Variants in POU6F2 observed in about 807,000 individuals in gnomAD.
The protein encoded by POU6F2 is POU class 6 homeobox 2, also known as POU domain, class 6, transcription factor 2.
In POU6F2, 31 loss-of-function variants were observed where a neutral mutation model predicts 71.3. That is an observed-to-expected ratio of 0.43 (90% confidence interval 0.33 to 0.59). The LOEUF is 0.59. Ranked by LOEUF, POU6F2 falls within the 20% of genes least tolerant of loss-of-function variation. The pLI is 0.04. For synonymous variants in POU6F2, 347 were observed against 355.7 expected (o/e 0.98, Z 0.27); for missense variants, 783 against 856.8 (o/e 0.91, Z 1.07).
chr7:39,364,970 G>A lies in POU6F2; in HGVS notation c.972+24955G>A, dbSNP rs540491396. Among the ~76,000 whole-genome samples, 3 of 152,264 alleles carry A rather than the reference G, an allele frequency of 2.0e-5. No homozygotes were observed. In the South Asian group the frequency reaches 6.2e-4, roughly 32 times the overall value. ...TTTGATTGTGGCCATTCTTGCAGGA[G>A]TAAGGTGGTATCACACTGTGGTTTT... is the stretch of plus-strand genomic sequence containing the variant. On this transcript the variant is annotated intron_variant, in intron 5 of 9. Coordinates refer to ENST00000518318, the MANE Select transcript of POU6F2 (RefSeq NM_001370959.1).
Position 39,248,815 on chromosome 7 carries a change from A to G in POU6F2, c.598+41195A>G, listed in dbSNP as rs1297731536. ...TACGTGTCACGTGGGTGGTAGAGAC[A>G]GGTTAGCCCAGTTAGTCCCTATCCC... On this transcript the variant is annotated intron_variant, in intron 4 of 9. Transcript: ENST00000518318. Among the ~76,000 whole-genome samples, 3 of 152,312 alleles carry G rather than the reference A, an allele frequency of 2.0e-5. No homozygotes were observed. In the East Asian group the frequency reaches 5.8e-4, roughly 29 times the overall value.
In POU6F2 at chr7:39,464,438, C is replaced by G; in HGVS notation, c.1915C>G (p.Arg639Gly). 1 of 1,613,962 alleles carries G rather than the reference C, an allele frequency of 6.2e-7. No homozygotes were observed. The part of the protein sequence containing the change: ...IGSEPSKKRK[R>G]RTSFTPQALE... ...GAGTGAACCATCCAAAAAGCGCAAG[C>G]GGCGCACCTCCTTCACACCCCAGGC... The change falls in exon 10 of 10, where the codon CGG becomes GGG. Residue 639 changes from arginine to glycine, a missense_variant. By Grantham distance (125) the Arg-to-Gly change is moderately radical (BLOSUM62 -2). Around this residue, in one of 2 missense-constraint regions of POU6F2, gnomAD observed 211 missense variants for 283.9 expected, o/e 0.74. Coordinates refer to ENST00000518318, the MANE Select transcript of POU6F2 (RefSeq NM_001370959.1). The surrounding 1 kb of genome is among the most constrained non-coding windows in gnomAD (Gnocchi z 4.1).
chr7:39,360,527 T>C (rs1462025790), intron 5 of POU6F2, among the ~76,000 whole-genome samples: 2 of 152,168 alleles, frequency 1.3e-5, no homozygotes, highest in African/African-American at 4.8e-5. Context: ...CCCTGTAAAA[T>C]ATCACGTAGG....
chr7:39,210,145 C>T (rs996432104), intron 4 of POU6F2, among the ~76,000 whole-genome samples: 19 of 152,118 alleles, frequency 1.2e-4, no homozygotes, highest in Admixed American at 6.5e-5. Flanking sequence ...ATAAACACCC[C>T]ACTTCTCCAG....
In POU6F2 at chr7:39,428,308, G is replaced by A. The variant is rs535098240; in HGVS notation, c.1114-4769G>A. Among the ~76,000 whole-genome samples, 15 of 152,254 alleles carry A rather than the reference G, an allele frequency of 9.9e-5. 1 individual carries two copies. In the South Asian group the frequency reaches 1.7e-3, roughly 17 times the overall value. ...AACTCATTTAAGGAAAGAGATAGAT[G>A]GACATTCACAGCAACAACCAAGTAA... is the stretch of plus-strand genomic sequence containing the variant. On this transcript the variant is annotated intron_variant, in intron 6 of 9. Transcript: ENST00000518318.
At chr7:38,979,204 GTT>G (rs11321840) in intron 1 of POU6F2, among the ~76,000 whole-genome samples, 54,742 of 150,828 alleles carry the variant, frequency 0.36, 9,971 homozygotes, top group Middle Eastern at 0.45. Flanking sequence ...ACTCCTAAAA[GTT>G]TTTTTTTTTG....
At chr7:39,271,584 G>A (rs1162591145) in intron 4 of POU6F2, among the ~76,000 whole-genome samples, 1 of 151,824 alleles carries the variant, frequency 6.6e-6, no homozygotes, top group Non-Finnish European at 1.5e-5. Context: ...TTTGCCAGCA[G>A]AAGTGGTTCT....
chr7:39,070,694 A>G (rs976678810), intron 1 of POU6F2, among the ~76,000 whole-genome samples: 1 of 152,122 alleles, frequency 6.6e-6, no homozygotes, highest in Non-Finnish European at 1.5e-5. Flanking sequence ...CCTTCCCCTC[A>G]GGCACTGTGG....
chr7:39,194,956 C>T (rs1444349787), intron 2 of POU6F2, among the ~76,000 whole-genome samples: 1 of 152,162 alleles, frequency 6.6e-6, no homozygotes, highest in African/African-American at 2.4e-5. Flanking sequence ...CCGGACACAT[C>T]TGAAGGAACA....
chr7:39,127,336 T>C (rs1792160512), intron 2 of POU6F2, among the ~76,000 whole-genome samples: 1 of 152,196 alleles, frequency 6.6e-6, no homozygotes, highest in South Asian at 2.1e-4. Flanking sequence ...TTAGAAATGA[T>C]GAAGAGGATC....
At chr7:39,076,950 T>C (rs150852055) in intron 1 of POU6F2, among the ~76,000 whole-genome samples, 2 of 152,338 alleles carry the variant, frequency 1.3e-5, no homozygotes, top group East Asian at 3.9e-4. Context: ...AAGCTCTTTT[T>C]AGGACAGAGA....
At chr7:39,188,662 G>A (rs1343277945) in intron 2 of POU6F2, among the ~76,000 whole-genome samples, 2 of 152,112 alleles carry the variant, frequency 1.3e-5, no homozygotes, top group African/African-American at 2.4e-5. Flanking sequence ...TTCTGGTTAC[G>A]GGATTATGTG....
chr7:39,176,446 G>T (rs911090837), intron 2 of POU6F2, among the ~76,000 whole-genome samples: 3 of 152,162 alleles, frequency 2.0e-5, no homozygotes, highest in African/African-American at 7.2e-5. Flanking sequence ...GTTACTCAAT[G>T]CCCTCATGAA....
At chr7:39,017,813 C>CATGT (rs142504790) in intron 1 of POU6F2, among the ~76,000 whole-genome samples, 1 of 147,924 alleles carries the variant, frequency 6.8e-6, no homozygotes, top group Non-Finnish European at 1.5e-5. Context: ...ATTGTGCATG[C>CATGT]GTGTGTGTGT....
intron 2 of POU6F2, among the ~76,000 whole-genome samples, chr7:39,145,524 G>A (rs535614560): frequency 4.0e-4 from 61 of 152,256 alleles, no homozygotes; most frequent in Non-Finnish European, 4.3e-4. Context: ...ACTTCTAACC[G>A]GCAATGGTTT....
chr7:39,016,556 C>G lies in POU6F2; in HGVS notation c.105+38498C>G, dbSNP rs562705325. Among the ~76,000 whole-genome samples, 7 of 152,024 alleles carry G rather than the reference C, an allele frequency of 4.6e-5. No individual in the cohort carries two copies. In the East Asian group the frequency reaches 1.4e-3, roughly 29 times the overall value. ...AAAAGGTTAAAAACAATATAGCTCC[C>G]CCCCCGCTTACAGTTCAGTAGAAAA... On this transcript the variant is annotated intron_variant, in intron 1 of 9. Coordinates refer to ENST00000518318, the MANE Select transcript of POU6F2 (RefSeq NM_001370959.1).
chr7:39,027,294 A>G (rs1789831556), intron 1 of POU6F2, among the ~76,000 whole-genome samples: 2 of 152,238 alleles, frequency 1.3e-5, no homozygotes, highest in Non-Finnish European at 2.9e-5. Flanking sequence ...CCTCACCATT[A>G]CTGTACATCA....
At chr7:39,230,335 T>C (rs1469537977) in intron 4 of POU6F2, among the ~76,000 whole-genome samples, 1 of 151,554 alleles carries the variant, frequency 6.6e-6, no homozygotes, top group African/African-American at 2.4e-5. Context: ...AAAAAAAAAA[T>C]TTAGCTGGGT....
intron 5 of POU6F2, among the ~76,000 whole-genome samples, chr7:39,392,191 G>T (rs146627659): frequency 1.3e-5 from 2 of 152,130 alleles, no homozygotes; most frequent in African/African-American, 2.4e-5. Flanking sequence ...TTAGCATATC[G>T]TAGACTTTTA....
Sources: allele counts gnomAD v4.1 joint callset (sites outside exome capture counted in the v4.1 genomes callset), GRCh38; gene constraint gnomAD v4.1.1; regional missense constraint gnomAD v4.1.1; non-coding constraint Gnocchi (gnomAD v3.1); transcripts MANE v1.5; gene names NCBI Gene and HGNC (gene_info 2026-07-23, HGNC 2026-07-21).